The following ABLIM1 variants were observed in gnomAD, a reference collection of about 807,000 sequenced individuals.
ABLIM1 encodes actin binding LIM protein 1, also known as actin-binding LIM protein 1.
A neutral mutation model predicts 107.0 loss-of-function variants in ABLIM1; 40 were observed. The observed-to-expected ratio is 0.37, with a 90% CI of 0.29 to 0.49. The LOEUF (loss-of-function observed/expected upper bound fraction) is 0.49. ABLIM1 is among the 20% of genes least tolerant of loss of function. The probability of loss-of-function intolerance (pLI) is 0.97; values close to 1 mark genes in which losing one functional copy is unlikely to be tolerated. For missense variants in ABLIM1, 857 were observed against 1,008.5 expected, an observed-to-expected ratio of 0.85 and a Z score of 2.04; for synonymous variants, 357 against 357.3, an observed-to-expected ratio of 1.00 and a Z score of 0.01.
intron 1 of ABLIM1, among the ~76,000 whole-genome samples, chr10:114,611,725 G>C (rs1244356494): frequency 6.6e-6 from 1 of 152,178 alleles, no homozygotes; most frequent in Non-Finnish European, 1.5e-5. Context: ...GCCCTGATGT[G>C]CTGCACCTGC....
At chr10:114,515,614 A>G (rs531758372) in intron 6 of ABLIM1, among the ~76,000 whole-genome samples, 93 of 152,306 alleles carry the variant, frequency 6.1e-4, no homozygotes, top group African/African-American at 1.8e-3. Context: ...GTGTCCCCCA[A>G]AAAGATATGT....
chr10:114,494,156 G>T (rs1223950293), intron 6 of ABLIM1, among the ~76,000 whole-genome samples: 1 of 152,196 alleles, frequency 6.6e-6, no homozygotes, highest in African/African-American at 2.4e-5. Flanking sequence ...TGAGCCGAAA[G>T]AATGGATTAA....
intron 1 of ABLIM1, among the ~76,000 whole-genome samples, chr10:114,604,799 T>C (rs1009279362): frequency 6.6e-6 from 1 of 152,216 alleles, no homozygotes; most frequent in Non-Finnish European, 1.5e-5. Context: ...CACTGCAGTT[T>C]CTCTTGACAC....
intron 1 of ABLIM1, among the ~76,000 whole-genome samples, chr10:114,737,698 C>T (rs1220917419): frequency 6.6e-6 from 1 of 152,124 alleles, no homozygotes; most frequent in East Asian, 1.9e-4. Context: ...TTCAAAGCTA[C>T]CTAGTAAAGA....
intron 11 of ABLIM1, among the ~76,000 whole-genome samples, chr10:114,466,265 G>A (rs1358839420): frequency 1.3e-5 from 2 of 152,032 alleles, no homozygotes; most frequent in African/African-American, 4.8e-5. Context: ...AACTATGATT[G>A]TGCCAGTGCA....
chr10:114,566,610 T>C (rs982200594), intron 4 of ABLIM1, among the ~76,000 whole-genome samples: 1 of 152,256 alleles, frequency 6.6e-6, no homozygotes, highest in African/African-American at 2.4e-5. Context: ...CAAAACCCTG[T>C]GTGCTAACTT....
chr10:114,753,866 A>G (rs910525237), intron 1 of ABLIM1, among the ~76,000 whole-genome samples: 2 of 152,096 alleles, frequency 1.3e-5, no homozygotes, highest in African/African-American at 4.8e-5. Context: ...TTGTTTTTTG[A>G]GATGAGATGG....
rs577084322 is a variant in ABLIM1, at chr10:114,672,321, C to T, written c.64+11969G>A. The stretch of plus-strand genomic sequence containing the variant: ...GTTCAAGCAATCCTCCCACTTCAGC[C>T]TGCCAAGTAGATGGGACTACAGGCA... On this transcript the variant is annotated intron_variant, in intron 1 of 23. Coordinates refer to the ABLIM1 transcript ENST00000369256. 9.2e-5 allele frequency among the ~76,000 whole-genome samples: 14 copies of T among 152,286 alleles called. No individual in the cohort carries two copies. In the South Asian group the frequency reaches 2.9e-3, roughly 32 times the overall value.
Position 114,462,570 on chromosome 10 carries a change from A to G in ABLIM1, c.1441+3128T>C, listed in dbSNP as rs115677475. 6.5e-3 allele frequency among the ~76,000 whole-genome samples: 989 copies of G among 152,278 alleles called. 11 individuals are homozygous for G. The highest frequency in any genetic ancestry group is 0.023 in the African/African-American group (937 of 41,558). On this transcript the variant is annotated intron_variant, in intron 12 of 22. Transcript: ENST00000533213. Reference sequence around the variant, plus strand: ...CTCAAAGAGAAACATTGATGTTGCCATAGATCTTTTAATGCTGCCCAAACA... The same window carrying G: ...CTCAAAGAGAAACATTGATGTTGCCGTAGATCTTTTAATGCTGCCCAAACA...
chr10:114,476,646 A>AAATAATAATAATAATAATAATAAT (rs141618382), intron 8 of ABLIM1, among the ~76,000 whole-genome samples: 36 of 143,284 alleles, frequency 2.5e-4, no homozygotes, highest in African/African-American at 5.2e-4. Flanking sequence ...CTCTGCCTCA[A>AAATAATAATAATAATAATAATAAT]AATAATAATA....
chr10:114,721,077 G>C (rs1170293532), intron 1 of ABLIM1, among the ~76,000 whole-genome samples: 1 of 152,200 alleles, frequency 6.6e-6, no homozygotes, highest in African/African-American at 2.4e-5. Flanking sequence ...CTGGAAACTA[G>C]TTGGCACTTG....
Position 114,713,175 on chromosome 10 carries a change from G to A in ABLIM1, c.-213+54886C>T, listed in dbSNP as rs181194669. Among the ~76,000 whole-genome samples, 20 of 152,252 alleles carry A rather than the reference G, an allele frequency of 1.3e-4. 1 individual carries two copies. In the East Asian group the frequency reaches 3.3e-3, roughly 25 times the overall value. On this transcript the variant is annotated intron_variant, in intron 1 of 15. Transcript: ENST00000651092. ...GGAGCAGCTAAAGAGACATTATCCT[G>A]GTATGAGAAAATGCCTGGGAAGAAG...
At chr10:114,494,732 A>C (rs1232743364) in intron 6 of ABLIM1, among the ~76,000 whole-genome samples, 2 of 152,240 alleles carry the variant, frequency 1.3e-5, no homozygotes, top group African/African-American at 4.8e-5. Context: ...CTATAAAATA[A>C]CCACATAAGC....
chr10:114,651,441 C>T (rs998078511), intron 1 of ABLIM1, among the ~76,000 whole-genome samples: 7 of 152,130 alleles, frequency 4.6e-5, no homozygotes, highest in African/African-American at 1.7e-4. Flanking sequence ...GCCTGCTGGG[C>T]CTCAGAGAAA....
chr10:114,465,056 T>C (rs540291450), intron 12 of ABLIM1, among the ~76,000 whole-genome samples: 3 of 152,334 alleles, frequency 2.0e-5, no homozygotes, highest in South Asian at 2.1e-4. Context: ...CATTCTCTAC[T>C]GTAGTGATGC....
intron 1 of ABLIM1, among the ~76,000 whole-genome samples, chr10:114,742,895 C>T (rs536496196): frequency 6.6e-6 from 1 of 152,156 alleles, no homozygotes; most frequent in Admixed American, 6.5e-5. Context: ...TGCACTCCAG[C>T]CTGGGTGACA....
chr10:114,677,510 C>G (rs950042220), intron 1 of ABLIM1, among the ~76,000 whole-genome samples: 1 of 152,172 alleles, frequency 6.6e-6, no homozygotes, highest in Non-Finnish European at 1.5e-5. Flanking sequence ...TAGTGGCTCA[C>G]GCCTGTAATC....
chr10:114,789,092 T>G, the ABLIM1 span, among the ~76,000 whole-genome samples: 1 of 151,688 alleles, frequency 6.6e-6, no homozygotes, highest in African/African-American at 2.4e-5. Context: ...CCACCTCTAC[T>G]AAAAATACAA....
rs191343982 is a variant in ABLIM1 at position 114,568,580 on chromosome 10, T to C, written c.673+2717A>G. Among the ~76,000 whole-genome samples the C allele has an allele frequency of 7.5e-3, 1,149 of 152,320 alleles. 6 individuals carry two copies. Among genetic ancestry groups the C allele is most frequent in the Non-Finnish European group, 0.011 (769 of 68,018 alleles). On this transcript the variant is annotated intron_variant, in intron 4 of 22. Transcript: ENST00000533213. ...CTAATATTTGTGTGCCTGTCTAGTC[T>C]GGGTAATTTGCAAGTGTGTATCTAT...
Sources: gnomAD v4.1 joint callset for allele counts (sites outside exome capture counted in the v4.1 genomes callset) on GRCh38, gnomAD v4.1.1 for gene constraint, MANE v1.5 for transcripts, NCBI Gene and HGNC (gene_info 2026-07-23, HGNC 2026-07-21) for gene names.